The following KCNJ3 variants were observed in gnomAD, a reference collection of about 807,000 sequenced individuals.
The protein encoded by KCNJ3 is potassium inwardly rectifying channel subfamily J member 3.
Under a neutral mutation model 39.2 loss-of-function variants are expected in KCNJ3, and 4 were observed. The ratio of observed to expected loss-of-function variants is 0.10; its 90% CI spans 0.05 to 0.23. The LOEUF (loss-of-function observed/expected upper bound fraction) is 0.23, where lower values mean the gene tolerates loss of function less well. Ranked by LOEUF, KCNJ3 falls within the 10% of genes least tolerant of loss-of-function variation. The pLI is 1.00. For synonymous variants in KCNJ3, 230 were observed against 237.4 expected, an observed-to-expected ratio of 0.97 and a Z score of 0.29; for missense variants, 276 against 634.9, an observed-to-expected ratio of 0.43 and a Z score of 6.08.
At chr2:154,728,822 A>G (rs1469986249) in intron 2 of KCNJ3, among the ~76,000 whole-genome samples, 1 of 152,104 alleles carries the variant, frequency 6.6e-6, no homozygotes, top group Non-Finnish European at 1.5e-5. Flanking sequence ...GTATCTTCAT[A>G]TGTAAAATGA....
chr2:154,702,293 T>G (rs1001550363), intron 1 of KCNJ3, among the ~76,000 whole-genome samples: 3 of 151,986 alleles, frequency 2.0e-5, no homozygotes, highest in African/African-American at 7.2e-5. Context: ...GTAACTATAG[T>G]GCATGTATTC....
rs1217343065 is a variant in KCNJ3, at chr2:154,846,271, G to A, written c.920-8456G>A. On this transcript the variant is annotated intron_variant, in intron 2 of 2. Coordinates refer to ENST00000295101, the MANE Select transcript of KCNJ3 (RefSeq NM_002239.4). ...TCAAATTGCCAGAAATTAACATGGT[G>A]AAAATTATTCTATGCATTGATCTGT... 2.6e-5 allele frequency among the ~76,000 whole-genome samples: 4 copies of A among 152,186 alleles called. No individual in the cohort carries two copies. In the South Asian group the frequency reaches 6.2e-4, roughly 24 times the overall value.
At chr2:154,790,568 G>T (rs1686612911) in intron 2 of KCNJ3, among the ~76,000 whole-genome samples, 1 of 152,052 alleles carries the variant, frequency 6.6e-6, no homozygotes, top group Non-Finnish European at 1.5e-5. Flanking sequence ...ATTTCTCACT[G>T]TAGTTCCATG....
chr2:154,827,638 G>C (rs542864474), intron 2 of KCNJ3, among the ~76,000 whole-genome samples: 1 of 152,210 alleles, frequency 6.6e-6, no homozygotes, highest in South Asian at 2.1e-4. Flanking sequence ...GGAAGACTCA[G>C]GAGGAAAGGA....
intron 2 of KCNJ3, among the ~76,000 whole-genome samples, chr2:154,831,925 G>A (rs896737078): frequency 5.3e-5 from 8 of 152,154 alleles, no homozygotes; most frequent in African/African-American, 1.9e-4. Flanking sequence ...TGCTTCTGGT[G>A]AGGACTCAGG....
chr2:154,741,597 T>C (rs954179738), intron 2 of KCNJ3, among the ~76,000 whole-genome samples: 3 of 151,888 alleles, frequency 2.0e-5, no homozygotes, highest in Middle Eastern at 3.2e-3. Flanking sequence ...TAAAATCATA[T>C]GAAAATCTAA....
At chr2:154,774,916 T>TGTTTG (rs111268013) in intron 2 of KCNJ3, among the ~76,000 whole-genome samples, 64,037 of 151,472 alleles carry the variant, frequency 0.42, 13,750 homozygotes, top group African/African-American at 0.47. Context: ...TTGTTGTTTT[T>TGTTTG]GTTTGGTTTG....
intron 2 of KCNJ3, among the ~76,000 whole-genome samples, chr2:154,818,918 CTTTTTTTTTTT>C (rs57668487): frequency 5.3e-4 from 28 of 52,436 alleles, no homozygotes; most frequent in Non-Finnish European, 7.5e-4. Context: ...CTGCAAAAGC[CTTTTTTTTTTT>C]TTTTTTTTTT....
At chr2:154,723,832 T>A (rs1282549115) in intron 2 of KCNJ3, among the ~76,000 whole-genome samples, 1 of 152,158 alleles carries the variant, frequency 6.6e-6, no homozygotes, top group East Asian at 1.9e-4. Flanking sequence ...ATACCTAGAA[T>A]GAGTTTGTGT....
chr2:154,703,260 C>T (rs892891386), intron 1 of KCNJ3, among the ~76,000 whole-genome samples: 1 of 152,104 alleles, frequency 6.6e-6, no homozygotes, highest in Admixed American at 6.5e-5. Context: ...TGGTTGCATT[C>T]ATATTTTGAA....
chr2:154,804,080 A>T (rs1686868288), intron 2 of KCNJ3, among the ~76,000 whole-genome samples: 1 of 152,100 alleles, frequency 6.6e-6, no homozygotes, highest in African/African-American at 2.4e-5. Context: ...GAGTCCTAAA[A>T]TGTTATTGGC....
intron 2 of KCNJ3, among the ~76,000 whole-genome samples, chr2:154,826,346 A>AACCTTGGCATCTGGAAATTTTC (rs1687271980): frequency 6.6e-6 from 1 of 152,194 alleles, no homozygotes; most frequent in Admixed American, 6.6e-5. Flanking sequence ...CTGAAATGTT[A>AACCTTGGCATCTGGAAATTTTC]ACCTTGGCAT....
chr2:154,852,162 A>T (rs1687767004), intron 2 of KCNJ3, among the ~76,000 whole-genome samples: 2 of 152,360 alleles, frequency 1.3e-5, no homozygotes, highest in Admixed American at 1.3e-4. Context: ...AACATTACTT[A>T]GGATAATTCT....
At chr2:154,812,246 G>A (rs1687018778) in intron 2 of KCNJ3, among the ~76,000 whole-genome samples, 1 of 151,972 alleles carries the variant, frequency 6.6e-6, no homozygotes, top group Non-Finnish European at 1.5e-5. Context: ...GTAAAACTTG[G>A]CTCAGATTTA....
In KCNJ3 at chr2:154,854,967, A is replaced by G; in HGVS notation, c.1160A>G (p.Glu387Gly). The change falls in exon 3 of 3, where the codon GAA (glutamate) becomes GGA (glycine). Residue 387 changes from glutamate to glycine, a missense_variant. Physicochemically the swap from Glu to Gly is moderately conservative, Grantham distance 98. Coordinates refer to ENST00000295101, the MANE Select transcript of KCNJ3 (RefSeq NM_002239.4). ...TNSKERHNSV[E>G]CLDGLDDITT... ...AGCAAAGAAAGACATAATTCTGTGG[A>G]ATGCTTAGATGGACTAGATGATATT... 3.1e-6 allele frequency: 5 copies of G among 1,614,000 alleles called. No homozygotes were observed. The highest frequency in any genetic ancestry group is 4.2e-6 in the Non-Finnish European group (5 of 1,179,896).
Position 154,773,512 on chromosome 2 carries a change from T to C in KCNJ3, c.919+63693T>C, listed in dbSNP as rs143516415. 2.9e-3 allele frequency among the ~76,000 whole-genome samples: 448 copies of C among 152,254 alleles called. 2 individuals carry two copies. Among genetic ancestry groups the C allele is most frequent in the African/African-American group, 0.01 (429 of 41,558 alleles). ...CCAGAGATTAACTTTGTTCTCGGAATAATTTCTGGTGATATTTAGTTCCAT... is the reference window on the plus strand; with the variant it reads ...CCAGAGATTAACTTTGTTCTCGGAACAATTTCTGGTGATATTTAGTTCCAT... On this transcript the variant is annotated intron_variant, in intron 2 of 2. Transcript: ENST00000295101.
intron 2 of KCNJ3, among the ~76,000 whole-genome samples, chr2:154,830,316 T>C (rs1048689119): frequency 5.3e-5 from 8 of 152,216 alleles, no homozygotes; most frequent in Non-Finnish European, 1.0e-4. Context: ...TACAGTTTCT[T>C]TGCCTGTTTT....
chr2:154,726,919 T>C (rs1275474390), intron 2 of KCNJ3, among the ~76,000 whole-genome samples: 1 of 151,286 alleles, frequency 6.6e-6, no homozygotes, highest in African/African-American at 2.4e-5. Context: ...AACTCAGGAA[T>C]AGAAAACCAA....
intron 2 of KCNJ3, among the ~76,000 whole-genome samples, chr2:154,732,778 G>A (rs1042243959): frequency 2.0e-5 from 3 of 151,930 alleles, no homozygotes; most frequent in Non-Finnish European, 4.4e-5. Flanking sequence ...TGTAGCTTTG[G>A]GCCTGCTGTA....
Sources: allele counts gnomAD v4.1 joint callset (sites outside exome capture counted in the v4.1 genomes callset), GRCh38; gene constraint gnomAD v4.1.1; transcripts MANE v1.5; gene names NCBI Gene and HGNC (gene_info 2026-07-23, HGNC 2026-07-21).